The following SRD5A1 variants were observed in gnomAD, a reference collection of about 807,000 sequenced individuals.
SRD5A1 encodes steroid 5 alpha-reductase 1.
A neutral mutation model predicts 28.2 loss-of-function variants in SRD5A1; 22 were observed. The ratio of observed to expected loss-of-function variants is 0.78; its 90% CI spans 0.56 to 1.12. The LOEUF is 1.12. Ranked by LOEUF, SRD5A1 falls within the 50% of genes most tolerant of loss-of-function variation. The pLI is 0.00. For synonymous variants in SRD5A1, 151 were observed against 135.0 expected, an observed-to-expected ratio of 1.12 and a Z score of -0.82; for missense variants, 300 against 346.7, an observed-to-expected ratio of 0.87 and a Z score of 1.07.
rs1191539346 is a variant in SRD5A1 at position 6,669,167 on chromosome 5, AAAG to A, written c.*902_*904del. 2.6e-5 allele frequency: 4 copies of A among 152,228 alleles called. No individual in the cohort carries two copies. Among genetic ancestry groups the A allele is most frequent in the Non-Finnish European group, 5.9e-5 (4 of 68,042 alleles). The allele number at this position is 152,228 out of a possible 1,614,324, so 9.4% of individuals were successfully genotyped here. A position where few individuals can be genotyped will look rare whatever the true frequency, so the allele number is the denominator to read the frequency against. On this transcript the variant is annotated 3_prime_UTR_variant, in exon 5 of 5. Transcript: ENST00000274192. ...GATTTTGAGTTTTCCCTTGTAGTGT[AAAG>A]AATGATCACTTTCTGTAACAATAAC...
At chr5:6,668,073 C>T (rs1392135258) in intron 4 of SRD5A1, 129 bp from the exon 5 acceptor site, 4 of 540,056 alleles carry the variant, frequency 7.4e-6, no homozygotes, top group Admixed American at 3.8e-5. Context: ...GTATGAAATG[C>T]CAAAGTTTTT....
intron 3 of SRD5A1, among the ~76,000 whole-genome samples, chr5:6,661,346 G>C (rs1478896984): frequency 7.0e-6 from 1 of 143,854 alleles, no homozygotes; most frequent in Non-Finnish European, 1.5e-5. Flanking sequence ...TTCCACACCA[G>C]CCTAGCCAGC....
chr5:6,663,808 C>T (rs565400083), intron 4 of SRD5A1, among the ~76,000 whole-genome samples: 2 of 151,724 alleles, frequency 1.3e-5, no homozygotes, highest in South Asian at 4.2e-4. Context: ...TGCAGTGAGC[C>T]GATATCGCAC....
intron 2 of SRD5A1, among the ~76,000 whole-genome samples, chr5:6,655,445 C>T (rs1461737601): frequency 1.3e-5 from 2 of 152,188 alleles, no homozygotes; most frequent in Admixed American, 6.5e-5. Flanking sequence ...ACCATGCAGG[C>T]GGCCACGGGA....
At chr5:6,665,939 T>C (rs1404174169) in intron 4 of SRD5A1, among the ~76,000 whole-genome samples, 1 of 152,260 alleles carries the variant, frequency 6.6e-6, no homozygotes, top group African/African-American at 2.4e-5. Context: ...GCTGTTTAAA[T>C]TGGTGTCAGT....
In SRD5A1 at chr5:6,639,591, T is replaced by A. The variant is rs1402892177; in HGVS notation, c.293+5722T>A. Among the ~76,000 whole-genome samples, 3 of 152,210 alleles carry A rather than the reference T, an allele frequency of 2.0e-5. No homozygotes were observed. In the East Asian group the frequency reaches 5.8e-4, roughly 29 times the overall value. On this transcript the variant is annotated intron_variant, in intron 1 of 4. Coordinates refer to ENST00000274192, the MANE Select transcript of SRD5A1 (RefSeq NM_001047.4). ...TCAATAATCCATTTTTCTTCCTGGGTGCTTATAGGGCACTTTCTTTTTCCT... is the reference window on the plus strand; with the variant it reads ...TCAATAATCCATTTTTCTTCCTGGGAGCTTATAGGGCACTTTCTTTTTCCT...
intron 4 of SRD5A1, among the ~76,000 whole-genome samples, chr5:6,666,756 T>G (rs1030794702): frequency 6.6e-6 from 1 of 152,198 alleles, no homozygotes; most frequent in Non-Finnish European, 1.5e-5. Flanking sequence ...TCACACATGT[T>G]CTTTCTGATG....
intron 4 of SRD5A1, among the ~76,000 whole-genome samples, chr5:6,663,827 T>C (rs1739082102): frequency 6.6e-6 from 1 of 151,620 alleles, no homozygotes; most frequent in African/African-American, 2.4e-5. Flanking sequence ...ACCACTGCAC[T>C]CCAGCCTGGT....
intron 1 of SRD5A1, among the ~76,000 whole-genome samples, chr5:6,639,383 C>T (rs1738293204): frequency 6.6e-6 from 1 of 152,166 alleles, no homozygotes; most frequent in Non-Finnish European, 1.5e-5. Context: ...TTACCAGTTA[C>T]TTGGGTTTAT....
intron 2 of SRD5A1, among the ~76,000 whole-genome samples, chr5:6,652,397 G>A (rs905667958): frequency 2.0e-5 from 3 of 152,208 alleles, no homozygotes; most frequent in East Asian, 3.9e-4. Flanking sequence ...GCTTCCTACA[G>A]TGCAGCTTCT....
intron 1 of SRD5A1, among the ~76,000 whole-genome samples, chr5:6,648,905 C>G (rs919808897): frequency 7.9e-5 from 12 of 152,148 alleles, no homozygotes; most frequent in Non-Finnish European, 7.3e-5. Flanking sequence ...GTGGATTTAT[C>G]TGCCTTTGGT....
chr5:6,652,873 CA>C (rs11343625), intron 2 of SRD5A1, among the ~76,000 whole-genome samples: 42,232 of 95,146 alleles, frequency 0.44, 5,553 homozygotes, highest in Middle Eastern at 0.57. Context: ...GACTCTGTCT[CA>C]AAAAAAAAAA....
At chr5:6,635,457 G>A (rs1042871644) in intron 1 of SRD5A1, among the ~76,000 whole-genome samples, 17 of 152,088 alleles carry the variant, frequency 1.1e-4, no homozygotes, top group Admixed American at 2.6e-4. Context: ...CAGAGTATTC[G>A]GTGCTATCCT....
At chr5:6,639,559 GTTCTT>G (rs1219862302) in intron 1 of SRD5A1, among the ~76,000 whole-genome samples, 1 of 152,192 alleles carries the variant, frequency 6.6e-6, no homozygotes, top group African/African-American at 2.4e-5. Flanking sequence ...CGATGATTTT[GTTCTT>G]TTCAATAATC....
At chr5:6,653,037 C>A (rs1738725184) in intron 2 of SRD5A1, among the ~76,000 whole-genome samples, 1 of 152,130 alleles carries the variant, frequency 6.6e-6, no homozygotes, top group Non-Finnish European at 1.5e-5. Context: ...TTGCAAACTA[C>A]CCTGCAGTGC....
intron 1 of SRD5A1, among the ~76,000 whole-genome samples, chr5:6,649,991 T>A (rs1331266803): frequency 6.6e-6 from 1 of 152,258 alleles, no homozygotes; most frequent in East Asian, 1.9e-4. Flanking sequence ...GAGTCTCATT[T>A]TGCCTTTTCT....
intron 4 of SRD5A1, among the ~76,000 whole-genome samples, chr5:6,663,847 G>A: frequency 6.6e-6 from 1 of 151,802 alleles, no homozygotes; most frequent in Non-Finnish European, 1.5e-5. Flanking sequence ...TTGAGAGAGT[G>A]AGACTCAGTC....
rs116264454 is a variant in SRD5A1, at chr5:6,663,501, C to T, written c.713+535C>T. On this transcript the variant is annotated intron_variant, in intron 4 of 4. Coordinates refer to ENST00000274192, the MANE Select transcript of SRD5A1 (RefSeq NM_001047.4). ...TAAAATGACATCATTTTCCAGAGAC[C>T]GGGTCCTTGGCTTTTATCTGATCCC... Among the ~76,000 whole-genome samples, 498 of 152,268 alleles carry T rather than the reference C, an allele frequency of 3.3e-3. 4 individuals carry two copies. Among genetic ancestry groups the T allele is most frequent in the African/African-American group, 0.011 (440 of 41,546 alleles).
chr5:6,660,730 T>A (rs1368547660), intron 3 of SRD5A1, among the ~76,000 whole-genome samples: 1 of 152,226 alleles, frequency 6.6e-6, no homozygotes, highest in Non-Finnish European at 1.5e-5. Flanking sequence ...CACTTGTCAA[T>A]GAATATTGAT....
Sources: allele counts gnomAD v4.1 joint callset (sites outside exome capture counted in the v4.1 genomes callset), GRCh38; gene constraint gnomAD v4.1.1; transcripts MANE v1.5; gene names NCBI Gene and HGNC (gene_info 2026-07-23, HGNC 2026-07-21).